Variants in DNAH9 observed in about 807,000 individuals in gnomAD.
DNAH9 encodes the protein dynein axonemal heavy chain 9, also known as DNAH9 variant protein.
In DNAH9, 345 loss-of-function variants were observed where a neutral mutation model predicts 471.6. The ratio of observed to expected loss-of-function variants is 0.73; its 90% confidence interval spans 0.67 to 0.80. The LOEUF is 0.80. Among genes scored for constraint, DNAH9 ranks in the 30% least tolerant of loss-of-function variants. DNAH9 has a pLI of 0.00. For synonymous variants in DNAH9, 2,093 were observed against 2,123.6 expected (o/e 0.99, Z 0.40); for missense variants, 5,407 against 5,609.2 (o/e 0.96, Z 1.15).
chr17:11,922,210 GAAAT>G (rs1974159911), intron 61 of DNAH9, among the ~76,000 whole-genome samples: 1 of 152,136 alleles, frequency 6.6e-6, no homozygotes, highest in African/African-American at 2.4e-5. Context: ...ATATTTAAAA[GAAAT>G]ATTCAATATG....
At chr17:11,708,221 G>A (rs1484390430) in intron 26 of DNAH9, among the ~76,000 whole-genome samples, 1 of 152,100 alleles carries the variant, frequency 6.6e-6, no homozygotes, top group Non-Finnish European at 1.5e-5. Context: ...CCTAGTAAGT[G>A]TTGAATTAAT....
Position 11,611,689 on chromosome 17 carries a change from A to G in DNAH9, c.813A>G (p.Thr271=). 6.2e-7 allele frequency: 1 copy of G among 1,614,054 alleles called. No individual in the cohort carries two copies. The highest frequency in any genetic ancestry group is 8.5e-7 in the Non-Finnish European group (1 of 1,179,864). ...DLKYIYNQLR[T]ITVRGMAKLL... is the part of the protein sequence containing the mutation. ...AATACATCTATAATCAACTGAGAACAATAACGGTGAGGGGCATGGCCAAGC... is the reference window on the plus strand; with the variant it reads ...AATACATCTATAATCAACTGAGAACGATAACGGTGAGGGGCATGGCCAAGC... Residue 271 remains threonine, a synonymous_variant, in exon 4 of 69, where the codon ACA becomes ACG. Coordinates refer to ENST00000262442, the MANE Select transcript of DNAH9 (RefSeq NM_001372.4).
At chr17:11,732,142 A>G (rs559742679) in intron 28 of DNAH9, among the ~76,000 whole-genome samples, 1 of 152,330 alleles carries the variant, frequency 6.6e-6, no homozygotes, top group Admixed American at 6.5e-5. Context: ...GTAGATAGAC[A>G]CTGAATTTGC....
At chr17:11,853,156 CTG>C (rs1329632934) in intron 49 of DNAH9, 3 of 151,858 alleles carry the variant, frequency 2.0e-5, no homozygotes, top group African/African-American at 7.3e-5. Context: ...TCCAGGGTAA[CTG>C]AGCCCTGCTT....
intron 64 of DNAH9, among the ~76,000 whole-genome samples, chr17:11,933,041 T>A (rs1268547980): frequency 6.6e-6 from 1 of 152,162 alleles, no homozygotes; most frequent in Admixed American, 6.5e-5. Flanking sequence ...CTCCAGCCCT[T>A]GGGCCTGGGA....
At chr17:11,616,523 G>C (rs1179061517) in intron 4 of DNAH9, among the ~76,000 whole-genome samples, 1 of 152,136 alleles carries the variant, frequency 6.6e-6, no homozygotes, top group East Asian at 1.9e-4. Context: ...AGTGCTGCTG[G>C]ATTTCCTAGT....
intron 7 of DNAH9, among the ~76,000 whole-genome samples, 167 bp from the exon 8 acceptor site, chr17:11,632,420 G>C (rs1191984304): frequency 6.6e-6 from 1 of 152,098 alleles, no homozygotes; most frequent in Non-Finnish European, 1.5e-5. Context: ...GCAACCACAG[G>C]GTAACTCTAC....
At chr17:11,925,791 G>A (rs968069170) in intron 62 of DNAH9, among the ~76,000 whole-genome samples, 1 of 152,074 alleles carries the variant, frequency 6.6e-6, no homozygotes, top group Non-Finnish European at 1.5e-5. Context: ...ATTTCCAAAG[G>A]AAAATTGTGC....
chr17:11,805,670 T>A (rs913216889), intron 43 of DNAH9, among the ~76,000 whole-genome samples: 6 of 150,908 alleles, frequency 4.0e-5, no homozygotes, highest in African/African-American at 1.2e-4. Flanking sequence ...TACTCCTGCC[T>A]CAGCTGCCCT....
In DNAH9 at chr17:11,969,701, T is replaced by C; in HGVS notation, c.*174T>C. On this transcript the variant is annotated 3_prime_UTR_variant, in exon 69 of 69. Coordinates refer to ENST00000262442, the MANE Select transcript of DNAH9 (RefSeq NM_001372.4). ...AGGTGTGCCTAAGGTGAGGCTGAGC[T>C]GAAGGAATGTGGGCCCAGGTTTCTT... 1.7e-6 allele frequency: 1 copy of C among 601,706 alleles called. No individual in the cohort carries two copies. 37.3% of individuals were successfully genotyped at this position (601,706 alleles called of 1,614,324 possible).
At chr17:11,702,464 A>G (rs1281228244) in intron 24 of DNAH9, among the ~76,000 whole-genome samples, 1 of 152,222 alleles carries the variant, frequency 6.6e-6, no homozygotes, top group African/African-American at 2.4e-5. Flanking sequence ...TAGAGTAGAT[A>G]AGATTGCCCT....
In DNAH9 at chr17:11,730,771, A is replaced by G. The variant is rs58969345; in HGVS notation, c.5814+2849A>G. ...GGTGGTGATGTTAGTGATGATGATG[A>G]TGATGATGTTAATGGTGATGATGGT... On this transcript the variant is annotated intron_variant, in intron 28 of 68. Transcript: ENST00000262442. 3.1e-3 allele frequency among the ~76,000 whole-genome samples: 466 copies of G among 151,754 alleles called. 1 individual carries two copies. The highest frequency in any genetic ancestry group is 9.6e-3 in the African/African-American group (398 of 41,388).
chr17:11,690,180 C>T lies in DNAH9; in HGVS notation c.4358C>T (p.Pro1453Leu). The T allele has an allele frequency of 6.2e-7, 1 of 1,614,178 alleles. No homozygotes were observed. Among genetic ancestry groups the T allele is most frequent in the Non-Finnish European group, 8.5e-7 (1 of 1,180,032 alleles). The change falls in exon 20 of 69, where the codon CCC becomes CTC. Residue 1453 changes from proline (P) to leucine (L), a missense_variant. Pro to Leu is a moderately conservative substitution (Grantham distance 98, BLOSUM62 -3). Coordinates refer to ENST00000262442, the MANE Select transcript of DNAH9 (RefSeq NM_001372.4). ...TWAGMEFQYE[P>L]HPRTNVPLLC... ...GCTGGCATGGAATTCCAGTATGAGC[C>T]CCACCCACGGACCAATGTCCCCCTC...
intron 32 of DNAH9, among the ~76,000 whole-genome samples, chr17:11,748,511 C>G (rs1169676781): frequency 6.6e-6 from 1 of 152,096 alleles, no homozygotes; most frequent in African/African-American, 2.4e-5. Context: ...GGGCACGACT[C>G]CCCTATTTGA....
Position 11,800,722 on chromosome 17 carries a change from G to A in DNAH9, c.8420+2929G>A, listed in dbSNP as rs149009438. On this transcript the variant is annotated intron_variant, in intron 43 of 68. Coordinates refer to ENST00000262442, the MANE Select transcript of DNAH9 (RefSeq NM_001372.4). ...AGTCAGTTTTCACTGCTAAGTCCTC[G>A]CCTATATTACATGACGCCCCTGTGG... is the stretch of plus-strand genomic sequence containing the variant. 2.9e-3 allele frequency among the ~76,000 whole-genome samples: 440 copies of A among 152,182 alleles called. 3 individuals carry two copies. The highest frequency in any genetic ancestry group is 9.9e-3 in the African/African-American group (412 of 41,522).
chr17:11,834,853 G>A lies in DNAH9; in HGVS notation c.9462G>A (p.Glu3154=). Residue 3154 remains glutamate, a synonymous_variant, in exon 49 of 69, where the codon GAG becomes GAA. Transcript: ENST00000262442. ...KDCEEDLAKA[E]PALTAAQAAL... Reference sequence around the variant, plus strand: ...GTGAGGAGGACCTGGCAAAGGCTGAGCCAGCACTCACAGCAGCGCAGGCAG... The same window carrying A: ...GTGAGGAGGACCTGGCAAAGGCTGAACCAGCACTCACAGCAGCGCAGGCAG... 1 of 1,613,918 alleles carries A rather than the reference G, an allele frequency of 6.2e-7. No homozygotes were observed. The highest frequency in any genetic ancestry group is 8.5e-7 in the Non-Finnish European group (1 of 1,179,994).
intron 7 of DNAH9, among the ~76,000 whole-genome samples, chr17:11,632,339 G>A (rs924397480): frequency 1.3e-5 from 2 of 152,156 alleles, no homozygotes; most frequent in African/African-American, 4.8e-5. Flanking sequence ...AGCATGGAAA[G>A]GGTGGAAGAA....
intron 56 of DNAH9, 40 bp downstream of exon 56, chr17:11,883,790 T>C (rs1314032734): frequency 6.3e-7 from 1 of 1,588,060 alleles, no homozygotes; most frequent in East Asian, 2.2e-5. Flanking sequence ...CAGCCTAGGC[T>C]GGGGTCCTCC....
intron 67 of DNAH9, among the ~76,000 whole-genome samples, chr17:11,959,310 G>C (rs976972475): frequency 2.0e-5 from 3 of 152,114 alleles, no homozygotes; most frequent in African/African-American, 4.8e-5. Flanking sequence ...ATAAAACAAA[G>C]TGAATGATCT....
Sources: allele counts gnomAD v4.1 joint callset (sites outside exome capture counted in the v4.1 genomes callset), GRCh38; gene constraint gnomAD v4.1.1; transcripts MANE v1.5; gene names NCBI Gene and HGNC (gene_info 2026-07-23, HGNC 2026-07-21).